Variants in DST observed in about 807,000 individuals in gnomAD.
The protein encoded by DST is dystonin, also known as bullous pemphigoid antigen.
DST carries 253 observed loss-of-function variants against 875.2 expected under a neutral mutation model. The observed-to-expected ratio is 0.29, with a 90% CI of 0.26 to 0.32. The LOEUF (loss-of-function observed/expected upper bound fraction) is 0.32. Ranked by LOEUF, DST falls within the 10% of genes least tolerant of loss-of-function variation. The probability of loss-of-function intolerance (pLI) is 1.00; values close to 1 mark genes in which losing one functional copy is unlikely to be tolerated. For missense variants in DST, 8,287 were observed against 9,111.6 expected (o/e 0.91, Z 3.68); for synonymous variants, 3,124 against 3,197.1 (o/e 0.98, Z 0.77).
At chr6:56,502,681 T>G (rs1026350525) in intron 78 of DST, among the ~76,000 whole-genome samples, 8 of 152,050 alleles carry the variant, frequency 5.3e-5, no homozygotes, top group Non-Finnish European at 8.8e-5. Flanking sequence ...CACCCATAAT[T>G]GTACATAAAG....
At position 56,501,537 on chromosome 6, in the gene DST, T is replaced by C. The variant is rs2096125925; in HGVS notation, c.19723A>G (p.Arg6575Gly). 1.3e-6 allele frequency: 2 copies of C among 1,581,540 alleles called. No homozygotes were observed. Among genetic ancestry groups the C allele is most frequent in the South Asian group, 2.4e-5 (2 of 84,544 alleles). The change falls in exon 79 of 104, where the codon AGA becomes GGA. Residue 6575 changes from arginine to glycine, a missense_variant. By Grantham distance (125) the Arg-to-Gly change is moderately radical (BLOSUM62 -2). Transcript: ENST00000680361. ...LKLIWDSLEE[R>G]IINRQHKLEG... ...GTATTTACCTGTCTGTTGATGATTC[T>C]CTCCTCCAGGCTATCCCATATCAAT...
chr6:56,848,232 T>G (rs1377576742), intron 4 of DST, among the ~76,000 whole-genome samples: 1 of 152,216 alleles, frequency 6.6e-6, no homozygotes, highest in Non-Finnish European at 1.5e-5. Flanking sequence ...GCTCAATAAG[T>G]AGTTGCTAAA....
chr6:56,767,541 C>T (rs767413331), intron 4 of DST, among the ~76,000 whole-genome samples: 4 of 151,896 alleles, frequency 2.6e-5, no homozygotes, highest in Non-Finnish European at 5.9e-5. Flanking sequence ...TGCTTGAACC[C>T]AAGAGGCGGA....
At chr6:56,624,167 G>A (rs1362886731) in intron 36 of DST, among the ~76,000 whole-genome samples, 1 of 152,026 alleles carries the variant, frequency 6.6e-6, no homozygotes, top group Non-Finnish European at 1.5e-5. Context: ...CATCATACCA[G>A]CAGTAACTAT....
chr6:56,622,411 A>C (rs945450922), intron 36 of DST, among the ~76,000 whole-genome samples: 1 of 152,084 alleles, frequency 6.6e-6, no homozygotes, highest in Non-Finnish European at 1.5e-5. Context: ...TCTACTAAAA[A>C]TAGAAAAATT....
intron 10 of DST, among the ~76,000 whole-genome samples, chr6:56,657,607 C>A (rs1379467669): frequency 6.6e-6 from 1 of 151,978 alleles, no homozygotes; most frequent in East Asian, 1.9e-4. Context: ...TAGAGTTTCA[C>A]GGGTACACAG....
chr6:56,881,417 G>A (rs1373693077), intron 3 of DST, among the ~76,000 whole-genome samples: 1 of 152,076 alleles, frequency 6.6e-6, no homozygotes, highest in Non-Finnish European at 1.5e-5. Flanking sequence ...AGGTTGCAGT[G>A]AGCCAAGACC....
At chr6:56,803,871 G>A (rs74602306) in intron 4 of DST, among the ~76,000 whole-genome samples, 33 of 152,256 alleles carry the variant, frequency 2.2e-4, no homozygotes, top group South Asian at 4.1e-4. Context: ...TCCAAAAATG[G>A]GAGATTTGAA....
chr6:56,630,530 G>T, intron 30 of DST, 147 bp from the exon 31 acceptor site: 1 of 780,398 alleles, frequency 1.3e-6, no homozygotes, highest in Non-Finnish European at 2.1e-6. Context: ...ACATTTTTCT[G>T]GCTTTCTTCT....
chr6:56,570,604 C>T (rs1289878650), intron 53 of DST, among the ~76,000 whole-genome samples: 2 of 152,110 alleles, frequency 1.3e-5, no homozygotes, highest in African/African-American at 4.8e-5. Context: ...AGCTTTGCTG[C>T]CACCACTCAC....
intron 36 of DST, chr6:56,618,548 T>C (rs954700156): frequency 1.2e-6 from 2 of 1,614,192 alleles, no homozygotes; most frequent in Non-Finnish European, 1.7e-6. Context: ...CTCAAGTTTC[T>C]GACATTTTTG....
At chr6:56,662,478 CTG>C (rs1168644372) in intron 10 of DST, among the ~76,000 whole-genome samples, 1 of 152,174 alleles carries the variant, frequency 6.6e-6, no homozygotes, top group Non-Finnish European at 1.5e-5. Context: ...AAAAGTAGGA[CTG>C]TGGTAACAAG....
At chr6:56,624,923 A>C (rs2098720375) in intron 35 of DST, among the ~76,000 whole-genome samples, 2 of 152,104 alleles carry the variant, frequency 1.3e-5, no homozygotes, top group Admixed American at 1.3e-4. Context: ...AATAGAATGT[A>C]TTGTTCTGGG....
chr6:56,560,482 T>C (rs2097521053), intron 57 of DST, 59 bp from the exon 58 acceptor site: 2 of 1,489,982 alleles, frequency 1.3e-6, no homozygotes, highest in South Asian at 1.3e-5. Flanking sequence ...AATACAATAA[T>C]GATAGAGCAT....
chr6:56,629,506 T>C, intron 31 of DST, 63 bp from the exon 32 acceptor site: 1 of 1,181,060 alleles, frequency 8.5e-7, no homozygotes, highest in Non-Finnish European at 1.2e-6. Context: ...AAATATATTA[T>C]TTACCTAATT....
chr6:56,572,608 TAAAG>T (rs1347294106), intron 52 of DST, 135 bp downstream of exon 52: 1 of 634,760 alleles, frequency 1.6e-6, no homozygotes, highest in African/African-American at 1.8e-5. Context: ...TTGAAATTCT[TAAAG>T]GAGTAAAACA....
chr6:56,880,728 T>A (rs982125089), intron 3 of DST, among the ~76,000 whole-genome samples: 1 of 150,758 alleles, frequency 6.6e-6, no homozygotes, highest in East Asian at 1.9e-4. Flanking sequence ...AAAGCAGTGC[T>A]GTTCTGTTTT....
At chr6:56,632,139 C>T in intron 28 of DST, 99 bp from the exon 29 acceptor site, 1 of 829,768 alleles carries the variant, frequency 1.2e-6, no homozygotes, top group South Asian at 1.7e-5. Flanking sequence ...TGGGACACAG[C>T]TAGTCAAGCA....
intron 49 of DST, among the ~76,000 whole-genome samples, chr6:56,586,035 T>A (rs1033427774): frequency 1.3e-5 from 2 of 151,238 alleles, no homozygotes; most frequent in Non-Finnish European, 2.9e-5. Context: ...AGTTTTGGAA[T>A]AGGTGTGGTG....
Sources: gnomAD v4.1 joint callset for allele counts (sites outside exome capture counted in the v4.1 genomes callset) on GRCh38, gnomAD v4.1.1 for gene constraint, MANE v1.5 for transcripts, NCBI Gene and HGNC (gene_info 2026-07-23, HGNC 2026-07-21) for gene names.